The following CLEC4F variants were observed in gnomAD, a reference collection of about 807,000 sequenced individuals.
CLEC4F encodes C-type lectin domain family 4 member F, also known as C-type (calcium dependent, carbohydrate-recognition domain) lectin, superfamily member 13.
Under a neutral mutation model 53.4 loss-of-function variants are expected in CLEC4F, and 45 were observed. The ratio of observed to expected loss-of-function variants is 0.84; its 90% CI spans 0.66 to 1.08. The LOEUF is 1.08. CLEC4F is among the 50% of genes least tolerant of loss of function. CLEC4F has a pLI of 0.00. For synonymous variants in CLEC4F, 245 were observed against 257.5 expected, an observed-to-expected ratio of 0.95 and a Z score of 0.46; for missense variants, 753 against 698.2, an observed-to-expected ratio of 1.08 and a Z score of -0.88.
chr2:70,816,020 G>A lies in CLEC4F; in HGVS notation c.1361C>T (p.Ser454Leu), dbSNP rs782016198. 4.3e-6 allele frequency: 7 copies of A among 1,613,794 alleles called. No homozygotes were observed. In the Admixed American group the frequency reaches 1.2e-4, roughly 27 times the overall value. Residue 454 changes from serine to leucine, a missense_variant, in exon 4 of 7, where the codon TCA becomes TTA. Physicochemically the swap from Ser to Leu is moderately radical, Grantham distance 145. Coordinates refer to ENST00000272367, the MANE Select transcript of CLEC4F (RefSeq NM_173535.3). Reference protein sequence around the residue: ...RLKTLHVVITSQEQLQRTQSQ... With the variant: ...RLKTLHVVITLQEQLQRTQSQ... ...TTGGGTTCTTTGTAGCTGTTCCTGT[G>A]AAGTAATGACCACATGGAGGGTCTT... is the stretch of plus-strand genomic sequence containing the variant.
intron 4 of CLEC4F, among the ~76,000 whole-genome samples, chr2:70,813,503 TTTC>T (rs2104641197): frequency 1.3e-5 from 1 of 75,972 alleles, no homozygotes; most frequent in African/African-American, 4.1e-5. Flanking sequence ...TTTTTCTTTC[TTTC>T]TTTCTTTTCT....
chr2:70,814,789 A>G (rs537396913), intron 4 of CLEC4F, among the ~76,000 whole-genome samples: 18 of 151,964 alleles, frequency 1.2e-4, no homozygotes, highest in Non-Finnish European at 2.4e-4. Flanking sequence ...AGATGCCAGT[A>G]GATCCACCTA....
chr2:70,825,122 CT>C (rs1677315506), upstream of CLEC4F, among the ~76,000 whole-genome samples: 1 of 152,170 alleles, frequency 6.6e-6, no homozygotes, highest in Admixed American at 6.5e-5. Flanking sequence ...CATGGTCTTC[CT>C]CCTGAAACTC....
Position 70,816,900 on chromosome 2 carries a change from T to C in CLEC4F, c.481A>G (p.Thr161Ala), listed in dbSNP as rs1574378714. The change falls in exon 4 of 7, where the codon ACA becomes GCA. Residue 161 changes from threonine to alanine, a missense_variant. By Grantham distance (58) the Thr-to-Ala change is moderately conservative. Coordinates refer to ENST00000272367, the MANE Select transcript of CLEC4F (RefSeq NM_173535.3). ...AACATCTGTGTCTGCAAACTCAATGTAGTGGCATCCTTTAGAACTCCTTTT... is the reference window on the plus strand; with the variant it reads ...AACATCTGTGTCTGCAAACTCAATGCAGTGGCATCCTTTAGAACTCCTTTT... ...MVKGVLKDAT[T>A]LSLQTQMLRS... 2 of 1,614,198 alleles carry C rather than the reference T, an allele frequency of 1.2e-6. No homozygotes were observed. The highest frequency in any genetic ancestry group is 2.2e-5 in the East Asian group (1 of 44,890).
Position 70,813,551 on chromosome 2 carries a change from CTTTTTT to C in CLEC4F, c.1388-959_1388-954del, listed in dbSNP as rs375754642. On this transcript the variant is annotated intron_variant, in intron 4 of 6. Coordinates refer to ENST00000272367, the MANE Select transcript of CLEC4F (RefSeq NM_173535.3). ...TCTTTCTTTCTTTTTTTCTTTCTTTCTTTTTTTCTTTCTTTCTCTTTCTTTTTCTTT... is the reference window on the plus strand; with the variant it reads ...TCTTTCTTTCTTTTTTTCTTTCTTTCTCTTTCTTTCTCTTTCTTTTTCTTT... Among the ~76,000 whole-genome samples, 436 of 132,268 alleles carry C rather than the reference CTTTTTT, an allele frequency of 3.3e-3. 4 individuals are homozygous for C. The highest frequency in any genetic ancestry group is 0.012 in the African/African-American group (412 of 34,966). The allele number at this position is 132,268 out of a possible 152,430, so 86.8% of individuals were successfully genotyped here.
chr2:70,816,566 T>C lies in CLEC4F; in HGVS notation c.815A>G (p.Gln272Arg). The C allele has an allele frequency of 1.2e-6, 2 of 1,614,146 alleles. No individual in the cohort carries two copies. The highest frequency in any genetic ancestry group is 1.7e-6 in the Non-Finnish European group (2 of 1,180,030). ...TCCTTCCAAACTATTTCTTAAAACC[T>C]GGTTCTGGGTCCTCAAGTCATTGAC... ...DSVNDLRTQN[Q>R]VLRNSLEGAN... The change falls in exon 4 of 7, where the codon CAG (glutamine) becomes CGG (arginine). Residue 272 changes from glutamine (Q) to arginine (R), a missense_variant. Gln to Arg is a conservative substitution (Grantham distance 43). Coordinates refer to ENST00000272367, the MANE Select transcript of CLEC4F (RefSeq NM_173535.3).
Position 70,812,535 on chromosome 2 carries a change from G to C in CLEC4F, c.1451C>G (p.Ser484Cys). Residue 484 changes from serine (S) to cysteine (C), a missense_variant, in exon 5 of 7, where the codon TCT becomes TGT. Transcript: ENST00000272367. The stretch of plus-strand genomic sequence containing the variant: ...CTCATGCCAAGACTTCTTGACACTA[G>C]AAAAATAATATAAGCTTCCACCATT... ...KFNGGSLYYF[S>C]SVKKSWHEAE... 1 of 1,614,188 alleles carries C rather than the reference G, an allele frequency of 6.2e-7. No individual in the cohort carries two copies.
rs1553395674 is a variant in CLEC4F, at chr2:70,816,026, A to G, written c.1355T>C (p.Ile452Thr). The G allele has an allele frequency of 1.9e-6, 3 of 1,613,998 alleles. No homozygotes were observed. The highest frequency in any genetic ancestry group is 1.7e-4 in the Middle Eastern group (1 of 6,058). ...QSRLKTLHVVITSQEQLQRTQ... is the reference protein window; with the variant it reads ...QSRLKTLHVVTTSQEQLQRTQ... ...TCTTTGTAGCTGTTCCTGTGAAGTA[A>G]TGACCACATGGAGGGTCTTCAGGCG... is the stretch of plus-strand genomic sequence containing the variant. The change falls in exon 4 of 7, where the codon ATT (isoleucine) becomes ACT (threonine). Residue 452 changes from isoleucine (I) to threonine (T), a missense_variant. Ile to Thr is a moderately conservative substitution (Grantham distance 89). Coordinates refer to ENST00000272367, the MANE Select transcript of CLEC4F (RefSeq NM_173535.3).
upstream of CLEC4F, among the ~76,000 whole-genome samples, chr2:70,820,978 C>T (rs554938808): frequency 2.0e-5 from 3 of 152,196 alleles, no homozygotes; most frequent in East Asian, 1.9e-4. Flanking sequence ...TCAGTGCGGC[C>T]GATATTTGCA....
rs782619343 is a variant in CLEC4F, at chr2:70,816,140, AG to A, written c.1240del (p.Leu414CysfsTer11). 1 of 1,614,196 alleles carries A rather than the reference AG, an allele frequency of 6.2e-7. No homozygotes were observed. Among genetic ancestry groups the A allele is most frequent in the Non-Finnish European group, 8.5e-7 (1 of 1,180,026 alleles). On this transcript the variant is annotated frameshift_variant, in exon 4 of 7. Transcript: ENST00000272367. LOFTEE classifies it high-confidence loss of function. Reference sequence around the variant, plus strand: ...CTGGATCTCGGCACTGGCCTTCTGCAGATTGCTGTCTAACATCTGGGTCTGG... The same window carrying A: ...CTGGATCTCGGCACTGGCCTTCTGCAATTGCTGTCTAACATCTGGGTCTGG... ...TSQTQMLDSN[L>X]QKASAEIQRL...
intron 5 of CLEC4F, chr2:70,811,492 T>C (rs1334517401): frequency 1.4e-5 from 7 of 486,032 alleles, no homozygotes; most frequent in East Asian, 4.7e-5. Flanking sequence ...GCACCTCCCA[T>C]AGCTTATTAA....
chr2:70,822,381 C>T (rs1677248607), upstream of CLEC4F, among the ~76,000 whole-genome samples: 1 of 152,160 alleles, frequency 6.6e-6, no homozygotes, highest in Non-Finnish European at 1.5e-5. Context: ...TCTGATGGAG[C>T]AGGCTGGGGC....
rs532599846 is a variant in CLEC4F, at chr2:70,816,046, C to T, written c.1335G>A (p.Leu445=). 28 of 1,614,186 alleles carry T rather than the reference C, an allele frequency of 1.7e-5. No homozygotes were observed. The South Asian group carries it at 3.0e-4, about 17-fold the overall frequency. ...TMEIQQEQSR[L]KTLHVVITSQ... is the part of the protein sequence containing the mutation. ...AAGTAATGACCACATGGAGGGTCTT[C>T]AGGCGACTCTGCTCCTGCTGGATTT... Residue 445 remains leucine, a synonymous_variant, in exon 4 of 7, where the codon CTG becomes CTA. Coordinates refer to ENST00000272367, the MANE Select transcript of CLEC4F (RefSeq NM_173535.3).
intron 3 of CLEC4F, among the ~76,000 whole-genome samples, chr2:70,819,123 G>T (rs1677081945): frequency 1.3e-5 from 2 of 152,168 alleles, no homozygotes; most frequent in Non-Finnish European, 2.9e-5. Context: ...TGATGATTGT[G>T]GTGATGGTTT....
intron 3 of CLEC4F, 104 bp downstream of exon 3, chr2:70,819,251 C>A: frequency 2.4e-6 from 2 of 835,242 alleles, no homozygotes; most frequent in South Asian, 1.4e-5. Flanking sequence ...GATGGTGGAG[C>A]CCATTCAGTG....
At chr2:70,811,353 T>G in intron 5 of CLEC4F, 2 of 920,880 alleles carry the variant, frequency 2.2e-6, no homozygotes, top group South Asian at 2.6e-5. Context: ...TTGAATAGAC[T>G]GTTGAGCAGC....
chr2:70,821,245 G>A (rs1438900641), upstream of CLEC4F, among the ~76,000 whole-genome samples: 2 of 152,168 alleles, frequency 1.3e-5, no homozygotes, highest in East Asian at 3.8e-4. Flanking sequence ...AGTTTCCTGG[G>A]TGACAGGAGT....
chr2:70,810,489 G>A (rs757823675), intron 5 of CLEC4F, among the ~76,000 whole-genome samples: 2 of 151,664 alleles, frequency 1.3e-5, no homozygotes, highest in South Asian at 2.1e-4. Flanking sequence ...CATGGTGGCA[G>A]GTGCCTGTAA....
chr2:70,812,508 G>T lies in CLEC4F; in HGVS notation c.1478C>A (p.Ala493Asp), dbSNP rs1676623965. The change falls in exon 5 of 7, where the codon GCT becomes GAT. Residue 493 changes from alanine to aspartate, a missense_variant. By Grantham distance (126) the Ala-to-Asp change is moderately radical (BLOSUM62 -2). Coordinates refer to ENST00000272367, the MANE Select transcript of CLEC4F (RefSeq NM_173535.3). ...FSSVKKSWHE[A>D]EQFCVSQGAH... ...TCCCTGGGACACGCAGAACTGCTCA[G>T]CCTCATGCCAAGACTTCTTGACACT... 6.2e-7 allele frequency: 1 copy of T among 1,614,104 alleles called. No individual in the cohort carries two copies. The highest frequency in any genetic ancestry group is 8.5e-7 in the Non-Finnish European group (1 of 1,180,038).
Sources: allele counts gnomAD v4.1 joint callset (sites outside exome capture counted in the v4.1 genomes callset), GRCh38; gene constraint gnomAD v4.1.1; transcripts MANE v1.5; gene names NCBI Gene and HGNC (gene_info 2026-07-23, HGNC 2026-07-21).